Variants in DCAF12 observed in about 807,000 individuals in gnomAD.
DCAF12 encodes DDB1 and CUL4 associated factor 12.
Under a neutral mutation model 52.8 loss-of-function variants are expected in DCAF12, and 28 were observed. That is an observed-to-expected ratio of 0.53 (90% confidence interval 0.39 to 0.73). The LOEUF (loss-of-function observed/expected upper bound fraction) is 0.73. DCAF12 is among the 30% of genes least tolerant of loss of function. The pLI, the probability that DCAF12 is intolerant of heterozygous loss-of-function variation, is 0.00. For synonymous variants in DCAF12, 196 were observed against 215.5 expected (o/e 0.91, Z 0.79); for missense variants, 425 against 552.2 (o/e 0.77, Z 2.31).
intron 4 of DCAF12, among the ~76,000 whole-genome samples, chr9:34,099,265 C>A (rs1000004023): frequency 2.0e-4 from 30 of 152,224 alleles, no homozygotes; most frequent in African/African-American, 6.7e-4. Flanking sequence ...GAGATGGAGT[C>A]TTGCTGTGAT....
At chr9:34,096,870 CT>C in intron 5 of DCAF12, 89 bp from the exon 6 acceptor site, 1 of 1,211,720 alleles carries the variant, frequency 8.3e-7, no homozygotes, top group Non-Finnish European at 1.2e-6. Flanking sequence ...GGTCAGGGTC[CT>C]TTATTCCTGT....
chr9:34,123,506 C>T (rs1015757207), intron 2 of DCAF12, among the ~76,000 whole-genome samples: 1 of 152,122 alleles, frequency 6.6e-6, no homozygotes, highest in African/African-American at 2.4e-5. Flanking sequence ...ATTCCTAGTT[C>T]CCTGCTTTGG....
intron 7 of DCAF12, among the ~76,000 whole-genome samples, chr9:34,090,250 G>C (rs930668640): frequency 9.2e-5 from 14 of 152,088 alleles, no homozygotes; most frequent in Non-Finnish European, 2.9e-5. Context: ...TTTCAGGAGA[G>C]ACAGGGTTTC....
At chr9:34,118,147 G>A (rs10971935) in intron 2 of DCAF12, among the ~76,000 whole-genome samples, 13,777 of 151,756 alleles carry the variant, frequency 0.091, 903 homozygotes, top group Non-Finnish European at 0.13. Context: ...TTTCCAAGAT[G>A]GAAAAAAAGA....
intron 2 of DCAF12, among the ~76,000 whole-genome samples, chr9:34,121,381 C>T (rs977880131): frequency 6.6e-6 from 1 of 152,142 alleles, no homozygotes; most frequent in Non-Finnish European, 1.5e-5. Flanking sequence ...AAATCACGTG[C>T]AACAAGTCCC....
chr9:34,113,538 CCAT>C (rs1375741325), intron 2 of DCAF12, among the ~76,000 whole-genome samples: 1 of 151,998 alleles, frequency 6.6e-6, no homozygotes, highest in Non-Finnish European at 1.5e-5. Flanking sequence ...CAGGGTTTCA[CCAT>C]ATTAGCCAGA....
intron 2 of DCAF12, among the ~76,000 whole-genome samples, chr9:34,124,314 G>C (rs10511916): frequency 0.31 from 46,804 of 152,080 alleles, 7,629 homozygotes; most frequent in Non-Finnish European, 0.36. Flanking sequence ...TGCCAGTCTT[G>C]TGACATCATG....
intron 2 of DCAF12, among the ~76,000 whole-genome samples, chr9:34,107,988 CTAATA>C (rs965858354): frequency 1.4e-4 from 21 of 152,170 alleles, no homozygotes; most frequent in African/African-American, 4.3e-4. Flanking sequence ...ATCATGGCTA[CTAATA>C]TAACTATTAA....
chr9:34,101,592 A>G (rs10971914), intron 4 of DCAF12, among the ~76,000 whole-genome samples: 48,541 of 149,944 alleles, frequency 0.32, 8,044 homozygotes, highest in Non-Finnish European at 0.36. Context: ...GGGTTTCTCT[A>G]TGTTGTTCAG....
intron 1 of DCAF12, among the ~76,000 whole-genome samples, chr9:34,125,946 T>C (rs1253449779): frequency 6.6e-6 from 1 of 152,058 alleles, no homozygotes; most frequent in Non-Finnish European, 1.5e-5. Context: ...TGGGTATACA[T>C]ATAGGGAGAC....
At chr9:34,120,358 T>G (rs1366683652) in intron 2 of DCAF12, among the ~76,000 whole-genome samples, 2 of 151,354 alleles carry the variant, frequency 1.3e-5, no homozygotes, top group Non-Finnish European at 2.9e-5. Flanking sequence ...CCACCCTGAG[T>G]GCAAAATGCT....
intron 6 of DCAF12, among the ~76,000 whole-genome samples, chr9:34,095,455 A>G (rs771945952): frequency 6.5e-5 from 9 of 138,306 alleles, no homozygotes; most frequent in African/African-American, 1.1e-4. Context: ...ATTACGGCTC[A>G]CTGCAGCCTT....
At chr9:34,118,041 G>A (rs972577622) in intron 2 of DCAF12, among the ~76,000 whole-genome samples, 1 of 151,970 alleles carries the variant, frequency 6.6e-6, no homozygotes, top group African/African-American at 2.4e-5. Context: ...AAATGAAAGG[G>A]GAAATAAAAG....
rs373810308 is a variant in DCAF12 at position 34,087,674 on chromosome 9, A to C, written c.*676T>G. 1 of 152,178 alleles carries C rather than the reference A, an allele frequency of 6.6e-6. No homozygotes were observed. The highest frequency in any genetic ancestry group is 1.5e-5 in the Non-Finnish European group (1 of 68,030). 9.4% of individuals were successfully genotyped at this position (152,178 alleles called of 1,614,324 possible). A position where few individuals can be genotyped will look rare whatever the true frequency, so the allele number is the denominator to read the frequency against. On this transcript the variant is annotated 3_prime_UTR_variant, in exon 9 of 9. Coordinates refer to ENST00000361264, the MANE Select transcript of DCAF12 (RefSeq NM_015397.4). ...GCATGGGAGGCCCCAGGAAGCCTACAATCTAACTAAAAAGATTTTCCCAGT... is the reference window on the plus strand; with the variant it reads ...GCATGGGAGGCCCCAGGAAGCCTACCATCTAACTAAAAAGATTTTCCCAGT...
At position 34,125,282 on chromosome 9, in the gene DCAF12, G is replaced by T; in HGVS notation, c.79-5C>A. 6.2e-7 allele frequency: 1 copy of T among 1,613,382 alleles called. No individual in the cohort carries two copies. The highest frequency in any genetic ancestry group is 8.5e-7 in the Non-Finnish European group (1 of 1,179,756). ...AAGCGAGTGATCCCAGCCAAACTGTGGAAACAACATTAGAAATCAGGGCTT... is the reference window on the plus strand; with the variant it reads ...AAGCGAGTGATCCCAGCCAAACTGTTGAAACAACATTAGAAATCAGGGCTT... On this transcript the variant is annotated splice_polypyrimidine_tract_variant and splice_region_variant and intron_variant, in intron 1 of 8. Coordinates refer to ENST00000361264, the MANE Select transcript of DCAF12 (RefSeq NM_015397.4).
chr9:34,102,283 CAA>C (rs148123227), intron 4 of DCAF12, among the ~76,000 whole-genome samples: 1 of 142,510 alleles, frequency 7.0e-6, no homozygotes. Context: ...ACCCTGCCTC[CAA>C]AAAAAAAAAG....
chr9:34,098,629 G>T, intron 4 of DCAF12, 112 bp from the exon 5 acceptor site: 1 of 1,184,598 alleles, frequency 8.4e-7, no homozygotes, highest in Non-Finnish European at 1.2e-6. Context: ...ATCCTCATAT[G>T]TGCTGAAGCT....
chr9:34,118,841 G>A (rs1468042345), intron 2 of DCAF12, among the ~76,000 whole-genome samples: 2 of 152,126 alleles, frequency 1.3e-5, no homozygotes, highest in African/African-American at 4.8e-5. Context: ...GCACACACCT[G>A]TAATCCCAGC....
At chr9:34,100,434 G>A (rs902692906) in intron 4 of DCAF12, among the ~76,000 whole-genome samples, 5 of 151,084 alleles carry the variant, frequency 3.3e-5, no homozygotes, top group African/African-American at 7.3e-5. Context: ...TCCTGACCTC[G>A]TGATCCACCT....
Sources: allele counts gnomAD v4.1 joint callset (sites outside exome capture counted in the v4.1 genomes callset), GRCh38; gene constraint gnomAD v4.1.1; transcripts MANE v1.5; gene names NCBI Gene and HGNC (gene_info 2026-07-23, HGNC 2026-07-21).